The following SIPA1L3 variants were observed in gnomAD, a reference collection of about 807,000 sequenced individuals.
SIPA1L3 encodes signal-induced proliferation-associated 1-like protein 3.
In SIPA1L3, 59 loss-of-function variants were observed where a neutral mutation model predicts 150.1. That is an observed-to-expected ratio of 0.39 (90% CI 0.32 to 0.49). The LOEUF is 0.49. Among genes scored for constraint, SIPA1L3 ranks in the 20% least tolerant of loss-of-function variants. The pLI, the probability that SIPA1L3 is intolerant of heterozygous loss-of-function variation, is 0.86. For synonymous variants in SIPA1L3, 1,070 were observed against 1,077.6 expected, an observed-to-expected ratio of 0.99 and a Z score of 0.14; for missense variants, 2,211 against 2,489.5, an observed-to-expected ratio of 0.89 and a Z score of 2.38.
At chr19:38,168,441 G>C in intron 15 of SIPA1L3, among the ~76,000 whole-genome samples, 1 of 151,856 alleles carries the variant, frequency 6.6e-6, no homozygotes, top group Non-Finnish European at 1.5e-5. Context: ...TCCAGCCTGG[G>C]TGACGGAGTG....
chr19:38,027,969 G>C (rs1448597413), intron 1 of SIPA1L3, among the ~76,000 whole-genome samples: 2 of 151,974 alleles, frequency 1.3e-5, no homozygotes, highest in Admixed American at 1.3e-4. Flanking sequence ...GTCAGCACTT[G>C]TCTGCTAGGA....
Position 38,018,049 on chromosome 19 carries a change from A to G in SIPA1L3, c.-378-11040A>G, listed in dbSNP as rs140231215. 3.3e-5 allele frequency among the ~76,000 whole-genome samples: 5 copies of G among 150,338 alleles called. No homozygotes were observed. The East Asian group carries it at 9.7e-4, about 29-fold the overall frequency. On this transcript the variant is annotated intron_variant, in intron 1 of 21. Coordinates refer to ENST00000222345, the MANE Select transcript of SIPA1L3 (RefSeq NM_015073.3). ...ATGGGCTCCCTGCGTGTTTCTTTGA[A>G]CAGACTCATGTATCCTTCTCCATCT... is the stretch of plus-strand genomic sequence containing the variant.
At chr19:38,176,625 G>T (rs930725835) in intron 15 of SIPA1L3, among the ~76,000 whole-genome samples, 11 of 152,062 alleles carry the variant, frequency 7.2e-5, no homozygotes, top group African/African-American at 2.7e-4. Context: ...ATCCATTAGT[G>T]TACACTCCTC....
chr19:38,083,149 C>T, intron 3 of SIPA1L3, 50 bp downstream of exon 3: 1 of 1,510,274 alleles, frequency 6.6e-7, no homozygotes. Context: ...AGGCTTGCCT[C>T]CGAGACCCCC....
At chr19:38,056,657 G>T (rs1257613613) in intron 2 of SIPA1L3, among the ~76,000 whole-genome samples, 1 of 152,214 alleles carries the variant, frequency 6.6e-6, no homozygotes, top group Non-Finnish European at 1.5e-5. Flanking sequence ...TTATCACATA[G>T]TAAGATCTCA....
chr19:37,942,355 T>C (rs1037984524), intron 1 of SIPA1L3, among the ~76,000 whole-genome samples: 35 of 151,308 alleles, frequency 2.3e-4, no homozygotes, highest in Admixed American at 1.6e-3. Flanking sequence ...ACTGGGGTCG[T>C]TGGGGGAGAG....
Position 38,017,156 on chromosome 19 carries a change from C to G in SIPA1L3, c.-378-11933C>G, listed in dbSNP as rs1968255623. On this transcript the variant is annotated intron_variant, in intron 1 of 21. Coordinates refer to ENST00000222345, the MANE Select transcript of SIPA1L3 (RefSeq NM_015073.3). ...AGGTCATCCACCTGCCTCGGCCTCC[C>G]AAAGTGCTGGGATTACAGGTGTGAG... Among the ~76,000 whole-genome samples the G allele has an allele frequency of 1.3e-5, 2 of 152,130 alleles. 1 individual carries two copies. Among genetic ancestry groups the G allele is most frequent in the South Asian group, 4.1e-4 (2 of 4,822 alleles).
intron 1 of SIPA1L3, among the ~76,000 whole-genome samples, chr19:37,946,295 C>CT (rs200393269): frequency 2.0e-5 from 3 of 149,328 alleles, no homozygotes; most frequent in African/African-American, 5.1e-5. Flanking sequence ...CCTCCCCACA[C>CT]TTTTTTTTGT....
At chr19:38,088,426 T>C (rs1970188389) in intron 3 of SIPA1L3, among the ~76,000 whole-genome samples, 1 of 152,272 alleles carries the variant, frequency 6.6e-6, no homozygotes, top group Admixed American at 6.5e-5. Context: ...AGCTTCATTT[T>C]TGCCTTCACA....
At chr19:38,103,968 G>A (rs1331218764) in intron 6 of SIPA1L3, among the ~76,000 whole-genome samples, 1 of 150,974 alleles carries the variant, frequency 6.6e-6, no homozygotes, top group African/African-American at 2.4e-5. Flanking sequence ...GGATTGAAAT[G>A]TTTCATGAGA....
chr19:37,911,600 C>G (rs1260762454), intron 1 of SIPA1L3, among the ~76,000 whole-genome samples: 1 of 151,620 alleles, frequency 6.6e-6, no homozygotes, highest in Non-Finnish European at 1.5e-5. Flanking sequence ...GCTCCGCCTC[C>G]TGGGTTCACG....
intron 13 of SIPA1L3, among the ~76,000 whole-genome samples, chr19:38,155,529 T>C (rs1458846453): frequency 6.6e-6 from 1 of 152,238 alleles, no homozygotes; most frequent in Non-Finnish European, 1.5e-5. Flanking sequence ...AACAAACTTG[T>C]AGCCCCTTTG....
At chr19:38,080,494 C>T (rs897504886) in intron 2 of SIPA1L3, among the ~76,000 whole-genome samples, 1 of 152,074 alleles carries the variant, frequency 6.6e-6, no homozygotes, top group Non-Finnish European at 1.5e-5. Context: ...AGGATGATTT[C>T]GAACAAACCA....
At chr19:38,134,455 T>C (rs1262515619) in intron 10 of SIPA1L3, among the ~76,000 whole-genome samples, 1 of 123,038 alleles carries the variant, frequency 8.1e-6, no homozygotes, top group African/African-American at 3.0e-5. Context: ...ATGCCTGTAA[T>C]CCCAGCACTT....
chr19:38,022,542 A>ACACACACACACACC (rs1373090558), intron 1 of SIPA1L3, among the ~76,000 whole-genome samples: 227 of 142,546 alleles, frequency 1.6e-3, no homozygotes, highest in African/African-American at 6.7e-3. Context: ...TACTAAAAAT[A>ACACACACACACACC]CACAGACACA....
At chr19:38,176,864 G>A (rs751629892) in intron 15 of SIPA1L3, among the ~76,000 whole-genome samples, 6 of 151,756 alleles carry the variant, frequency 4.0e-5, no homozygotes, top group African/African-American at 4.8e-5. Context: ...CCAGCTACTC[G>A]AGAGGCTGAG....
At chr19:37,928,663 A>G (rs767550758) in intron 1 of SIPA1L3, among the ~76,000 whole-genome samples, 1 of 152,124 alleles carries the variant, frequency 6.6e-6, no homozygotes, top group Non-Finnish European at 1.5e-5. Flanking sequence ...CTGATTCTGT[A>G]AGTTCCTGAT....
chr19:38,081,202 TGGGAGCA>T, intron 2 of SIPA1L3, 47 bp from the exon 3 acceptor site: 1 of 404,030 alleles, frequency 2.5e-6, no homozygotes, highest in Admixed American at 4.1e-5. Flanking sequence ...TCCCACTTTC[TGGGAGCA>T]GTAACACGGC....
chr19:38,082,255 C>T lies in SIPA1L3; in HGVS notation c.690C>T (p.Pro230=), dbSNP rs1238970070. 22 of 1,600,614 alleles carry T rather than the reference C, an allele frequency of 1.4e-5. No individual in the cohort carries two copies. Among genetic ancestry groups the T allele is most frequent in the East Asian group, 2.2e-5 (1 of 44,864 alleles). The change falls in exon 3 of 22, where the codon CCC becomes CCT. Residue 230 remains proline, a synonymous_variant. Transcript: ENST00000222345. ...DILNEFRSEQ[P]DARGCQALTE... ...TGAACGAGTTCCGCAGCGAGCAGCC[C>T]GACGCCCGAGGGTGCCAGGCCCTCA...
Sources: allele counts gnomAD v4.1 joint callset (sites outside exome capture counted in the v4.1 genomes callset), GRCh38; gene constraint gnomAD v4.1.1; transcripts MANE v1.5; gene names NCBI Gene and HGNC (gene_info 2026-07-23, HGNC 2026-07-21).